Variants in STYK1 observed in about 807,000 individuals in gnomAD.
STYK1 encodes the protein STY kinase 1.
Under a neutral mutation model 48.1 loss-of-function variants are expected in STYK1, and 46 were observed. That is an observed-to-expected ratio of 0.96 (90% CI 0.75 to 1.22). STYK1 has a LOEUF of 1.22. Among genes scored for constraint, STYK1 ranks in the 50% most tolerant of loss-of-function variants. The probability of loss-of-function intolerance (pLI) is 0.00; values close to 1 mark genes in which losing one functional copy is unlikely to be tolerated. For missense variants in STYK1, 527 were observed against 521.1 expected (o/e 1.01, Z -0.11); for synonymous variants, 188 against 189.0 (o/e 0.99, Z 0.04).
intron 1 of STYK1, among the ~76,000 whole-genome samples, chr12:10,648,345 G>GA (rs547781803): frequency 4.7e-5 from 7 of 148,542 alleles, no homozygotes; most frequent in African/African-American, 9.9e-5. Flanking sequence ...TCTTCCAACA[G>GA]AAAAAAAAAT....
chr12:10,646,207 A>T (rs1490218965), intron 1 of STYK1, among the ~76,000 whole-genome samples: 1 of 152,198 alleles, frequency 6.6e-6, no homozygotes, highest in Non-Finnish European at 1.5e-5. Flanking sequence ...AGGGCTCAGA[A>T]GAAGACAGGA....
At chr12:10,621,637 GGTATGTGTGT>G (rs1287949370) in intron 10 of STYK1, among the ~76,000 whole-genome samples, 1 of 151,726 alleles carries the variant, frequency 6.6e-6, no homozygotes, top group African/African-American at 2.4e-5. Flanking sequence ...GTGTGGTGGG[GGTATGTGTGT>G]GTATGTGTGT....
intron 5 of STYK1, among the ~76,000 whole-genome samples, chr12:10,630,758 T>C (rs186805058): frequency 6.6e-6 from 1 of 151,968 alleles, no homozygotes; most frequent in Non-Finnish European, 1.5e-5. Flanking sequence ...CAATAAAGAC[T>C]GTGTAAAAAC....
intron 1 of STYK1, among the ~76,000 whole-genome samples, chr12:10,655,113 T>G (rs1947703834): frequency 6.6e-6 from 1 of 152,204 alleles, no homozygotes; most frequent in Non-Finnish European, 1.5e-5. Flanking sequence ...ATGAGGCTAG[T>G]CTTAATGCTG....
chr12:10,632,455 A>G lies in STYK1; in HGVS notation c.188-1147T>C, dbSNP rs6650195. Among the ~76,000 whole-genome samples the G allele has an allele frequency of 4.2e-3, 646 of 152,322 alleles. 4 individuals are homozygous for G. Among genetic ancestry groups the G allele is most frequent in the African/African-American group, 0.014 (584 of 41,566 alleles). On this transcript the variant is annotated intron_variant, in intron 4 of 10. Coordinates refer to ENST00000075503, the MANE Select transcript of STYK1 (RefSeq NM_018423.3). Reference sequence around the variant, plus strand: ...CCAGGAAGCCAGTGTAGCTGGAGCCAAGTGGGATCATTGGAGAGTAGTAGG... The same window carrying G: ...CCAGGAAGCCAGTGTAGCTGGAGCCGAGTGGGATCATTGGAGAGTAGTAGG...
At chr12:10,657,382 T>C (rs1947730766) in intron 1 of STYK1, among the ~76,000 whole-genome samples, 1 of 152,236 alleles carries the variant, frequency 6.6e-6, no homozygotes, top group Admixed American at 6.5e-5. Flanking sequence ...CATTTATATA[T>C]GAAAGAGCTC....
Position 10,620,118 on chromosome 12 carries a change from C to A in STYK1, c.*26G>T. On this transcript the variant is annotated 3_prime_UTR_variant, in exon 11 of 11. Transcript: ENST00000075503. ...TTGATTCCAAGAACATATACTCATG[C>A]ATGAATGTTTCTTGCCCGAGACTCT... The A allele has an allele frequency of 6.2e-7, 1 of 1,612,826 alleles. No individual in the cohort carries two copies.
chr12:10,655,475 C>A (rs1206471092), intron 1 of STYK1, among the ~76,000 whole-genome samples: 1 of 152,186 alleles, frequency 6.6e-6, no homozygotes, highest in African/African-American at 2.4e-5. Context: ...AAGGCTTTGC[C>A]TTTTCACAAT....
chr12:10,642,329 T>C (rs1053561278), intron 1 of STYK1, among the ~76,000 whole-genome samples: 1 of 152,242 alleles, frequency 6.6e-6, no homozygotes, highest in Non-Finnish European at 1.5e-5. Flanking sequence ...TCATTCATGA[T>C]GACTTTGTAT....
intron 7 of STYK1, among the ~76,000 whole-genome samples, chr12:10,625,730 A>T (rs1346206660): frequency 6.6e-6 from 1 of 152,220 alleles, no homozygotes; most frequent in African/African-American, 2.4e-5. Flanking sequence ...TATAATTCAT[A>T]GGATGTACTA....
At chr12:10,645,957 T>C (rs532163185) in intron 1 of STYK1, among the ~76,000 whole-genome samples, 1 of 152,328 alleles carries the variant, frequency 6.6e-6, no homozygotes, top group East Asian at 1.9e-4. Context: ...ACGTAAGATG[T>C]GACTTGTTGC....
intron 10 of STYK1, among the ~76,000 whole-genome samples, 175 bp downstream of exon 10, chr12:10,621,701 A>G (rs186542068): frequency 6.6e-6 from 1 of 152,106 alleles, no homozygotes; most frequent in Admixed American, 6.6e-5. Flanking sequence ...TATAATATAT[A>G]TGCATATATA....
At chr12:10,634,766 T>C in intron 2 of STYK1, 80 bp from the exon 3 acceptor site, 1 of 791,614 alleles carries the variant, frequency 1.3e-6, no homozygotes, top group African/African-American at 1.7e-5. Context: ...TTAAACCGCC[T>C]CTACAGATCA....
At position 10,631,043 on chromosome 12, in the gene STYK1, A is replaced by G; in HGVS notation, c.451+2T>C. On this transcript the variant is annotated splice_donor_variant, in intron 5 of 10. Coordinates refer to ENST00000075503, the MANE Select transcript of STYK1 (RefSeq NM_018423.3). LOFTEE classifies it high-confidence loss of function. Reference sequence around the variant, plus strand: ...GGGGGAGTCAAACACTTCTTGTTTTACCTTTTAAAGCCTTGAGAATAACAC... The same window carrying G: ...GGGGGAGTCAAACACTTCTTGTTTTGCCTTTTAAAGCCTTGAGAATAACAC... 1 of 1,612,456 alleles carries G rather than the reference A, an allele frequency of 6.2e-7. No individual in the cohort carries two copies. Among genetic ancestry groups the G allele is most frequent in the South Asian group, 1.1e-5 (1 of 91,022 alleles).
chr12:10,627,667 T>C lies in STYK1; in HGVS notation c.691A>G (p.Ile231Val), dbSNP rs773024003. Residue 231 changes from isoleucine to valine, a missense_variant, in exon 7 of 11, where the codon ATC (isoleucine) becomes GTC (valine). Physicochemically the swap from Ile to Val is conservative, Grantham distance 29 (BLOSUM62 3). Transcript: ENST00000075503. ...AGCGCCAAAAGGACCTGCTTTCCGATGTGATATACTTGTTTTTCTGTGAGA... is the reference window on the plus strand; with the variant it reads ...AGCGCCAAAAGGACCTGCTTTCCGACGTGATATACTTGTTTTTCTGTGAGA... The part of the protein sequence containing the change: ...YDLTEKQVYH[I>V]GKQVLLALEF... The C allele has an allele frequency of 9.3e-6, 15 of 1,613,904 alleles. No individual in the cohort carries two copies. The highest frequency in any genetic ancestry group is 1.1e-5 in the South Asian group (1 of 91,008).
intron 1 of STYK1, among the ~76,000 whole-genome samples, chr12:10,659,633 G>T (rs1947754456): frequency 6.6e-6 from 1 of 152,114 alleles, no homozygotes; most frequent in South Asian, 2.1e-4. Flanking sequence ...CAACTCCTAG[G>T]TATTTTATGG....
chr12:10,661,250 T>C (rs1947773963), intron 1 of STYK1, among the ~76,000 whole-genome samples: 2 of 152,198 alleles, frequency 1.3e-5, no homozygotes, highest in Non-Finnish European at 2.9e-5. Context: ...ACAACAAATA[T>C]ATATTAAGTG....
At chr12:10,668,774 G>A (rs1465697005) in intron 1 of STYK1, among the ~76,000 whole-genome samples, 1 of 151,942 alleles carries the variant, frequency 6.6e-6, no homozygotes, top group African/African-American at 2.4e-5. Flanking sequence ...GCCAAGACAT[G>A]ATATCTAATA....
At chr12:10,661,568 C>A (rs771693888) in intron 1 of STYK1, among the ~76,000 whole-genome samples, 1 of 152,220 alleles carries the variant, frequency 6.6e-6, no homozygotes, top group Non-Finnish European at 1.5e-5. Flanking sequence ...CAGTTTATGG[C>A]ACCGGTTATA....
Sources: allele counts gnomAD v4.1 joint callset (sites outside exome capture counted in the v4.1 genomes callset), GRCh38; gene constraint gnomAD v4.1.1; transcripts MANE v1.5; gene names NCBI Gene and HGNC (gene_info 2026-07-23, HGNC 2026-07-21).